The following MAD1L1 variants were observed in gnomAD, a reference collection of about 807,000 sequenced individuals.
The protein encoded by MAD1L1 is mitotic spindle assembly checkpoint protein MAD1.
Under a neutral mutation model 96.9 loss-of-function variants are expected in MAD1L1, and 95 were observed. The observed-to-expected ratio is 0.98, with a 90% CI of 0.83 to 1.16. MAD1L1 has a LOEUF of 1.16. Ranked by LOEUF, MAD1L1 falls within the 50% of genes most tolerant of loss-of-function variation. The pLI is 0.00. For synonymous variants in MAD1L1, 473 were observed against 396.6 expected (o/e 1.19, Z -2.29); for missense variants, 1,007 against 954.4 (o/e 1.06, Z -0.73).
chr7:2,038,688 AT>A (rs1287644682), intron 12 of MAD1L1, among the ~76,000 whole-genome samples: 11 of 151,574 alleles, frequency 7.3e-5, no homozygotes, highest in African/African-American at 2.7e-4. Flanking sequence ...AATTTTTTGT[AT>A]TTTTAGTAGA....
intron 10 of MAD1L1, among the ~76,000 whole-genome samples, chr7:2,186,365 C>G (rs773207098): frequency 1.3e-5 from 2 of 152,146 alleles, no homozygotes; most frequent in Non-Finnish European, 2.9e-5. Flanking sequence ...GGAATAATGG[C>G]TACTAAAGAG....
chr7:2,140,282 ACTCCAGCACCC>A (rs979928249), intron 11 of MAD1L1, among the ~76,000 whole-genome samples: 1 of 152,010 alleles, frequency 6.6e-6, no homozygotes, highest in Non-Finnish European at 1.5e-5. Context: ...TAAAACAGTG[ACTCCAGCACCC>A]CTCCAGCAGC....
chr7:1,985,511 A>C (rs905175364), intron 14 of MAD1L1, among the ~76,000 whole-genome samples: 1 of 152,226 alleles, frequency 6.6e-6, no homozygotes, highest in African/African-American at 2.4e-5. Flanking sequence ...AGGGAGCCTA[A>C]CATGCAGCTC....
chr7:2,045,360 G>A (rs1160330126), intron 12 of MAD1L1, among the ~76,000 whole-genome samples: 2 of 152,136 alleles, frequency 1.3e-5, no homozygotes, highest in Admixed American at 6.5e-5. Flanking sequence ...GTCCCTGTGA[G>A]AGTGACTCCC....
chr7:1,899,912 G>A (rs1787136639), intron 17 of MAD1L1, among the ~76,000 whole-genome samples: 1 of 152,218 alleles, frequency 6.6e-6, no homozygotes, highest in African/African-American at 2.4e-5. Context: ...TGGAGGACGC[G>A]GGAGGGGCCG....
At chr7:2,036,475 G>C (rs1783441351) in intron 12 of MAD1L1, among the ~76,000 whole-genome samples, 1 of 152,234 alleles carries the variant, frequency 6.6e-6, no homozygotes, top group Non-Finnish European at 1.5e-5. Flanking sequence ...TCTGGATGAA[G>C]TGTCTAGTCT....
chr7:2,161,986 C>T (rs573716789), intron 10 of MAD1L1, among the ~76,000 whole-genome samples: 1 of 146,718 alleles, frequency 6.8e-6, no homozygotes, highest in South Asian at 2.2e-4. Context: ...GGGCGGCCCC[C>T]GCCCATCCGG....
At chr7:1,845,753 CG>C (rs763608630) in intron 18 of MAD1L1, 9 of 152,594 alleles carry the variant, frequency 5.9e-5, no homozygotes, top group Non-Finnish European at 1.3e-4. Context: ...TTCCGGCTCA[CG>C]GGGAGGAGCG....
At chr7:2,184,115 G>A (rs1274193256) in intron 10 of MAD1L1, among the ~76,000 whole-genome samples, 1 of 151,942 alleles carries the variant, frequency 6.6e-6, no homozygotes, top group South Asian at 2.1e-4. Context: ...AGCCAGGCGT[G>A]GTGGCGGGCG....
chr7:2,037,315 C>T (rs1460866230), intron 12 of MAD1L1, among the ~76,000 whole-genome samples: 7 of 151,692 alleles, frequency 4.6e-5, no homozygotes, highest in Non-Finnish European at 1.0e-4. Context: ...ACATCTTACA[C>T]GAGCACAGTG....
intron 13 of MAD1L1, among the ~76,000 whole-genome samples, chr7:2,010,757 C>T (rs1035671667): frequency 6.6e-6 from 1 of 152,176 alleles, no homozygotes; most frequent in Non-Finnish European, 1.5e-5. Flanking sequence ...CTCCCGCTGG[C>T]GACTACCCCG....
intron 10 of MAD1L1, among the ~76,000 whole-genome samples, chr7:2,195,622 G>C (rs924310174): frequency 6.6e-6 from 1 of 152,210 alleles, no homozygotes; most frequent in Non-Finnish European, 1.5e-5. Context: ...GTTTGCACCT[G>C]ATAAAAAATT....
In MAD1L1 at chr7:1,904,918, A is replaced by T. The variant is rs748954462; in HGVS notation, c.1808-6528T>A. Among the ~76,000 whole-genome samples, 11 of 92,622 alleles carry T rather than the reference A, an allele frequency of 1.2e-4. 3 individuals carry two copies. The highest frequency in any genetic ancestry group is 2.2e-4 in the Non-Finnish European group (10 of 44,524). 60.8% of individuals were successfully genotyped at this position (92,622 alleles called of 152,430 possible). A position where few individuals can be genotyped will look rare whatever the true frequency, so the allele number is the denominator to read the frequency against. Reference sequence around the variant, plus strand: ...GCAGCAAGGATGCAGTCGCCTATGGAAGACGTTCTTGTGGAACTCATGATT... The same window carrying T: ...GCAGCAAGGATGCAGTCGCCTATGGTAGACGTTCTTGTGGAACTCATGATT... On this transcript the variant is annotated intron_variant, in intron 17 of 18. Coordinates refer to ENST00000265854, the MANE Select transcript of MAD1L1 (RefSeq NM_001013836.2).
intron 10 of MAD1L1, among the ~76,000 whole-genome samples, chr7:2,176,091 T>A (rs1400078723): frequency 6.6e-6 from 1 of 152,250 alleles, no homozygotes. Flanking sequence ...CTCACACCTG[T>A]AATCTCAGCA....
In MAD1L1 at chr7:1,958,090, G is replaced by C. The variant is rs146894662; in HGVS notation, c.1506-371C>G. ...GGTGATGTGATGGCGGAGTGCAGGG[G>C]ACACTGAGGGACAGGAAAGCAACCT... On this transcript the variant is annotated intron_variant, in intron 15 of 18. Transcript: ENST00000265854. Among the ~76,000 whole-genome samples the C allele has an allele frequency of 2.3e-3, 352 of 152,340 alleles. 1 individual carries two copies. The highest frequency in any genetic ancestry group is 8.1e-3 in the African/African-American group (336 of 41,572).
At chr7:2,206,819 T>C (rs1637736) in intron 10 of MAD1L1, among the ~76,000 whole-genome samples, 104,371 of 151,944 alleles carry the variant, frequency 0.69, 36,795 homozygotes, top group African/African-American at 0.82. Flanking sequence ...CAGTGGCTCA[T>C]GCCTGTAATC....
chr7:1,944,756 G>A (rs1479890509), intron 16 of MAD1L1, among the ~76,000 whole-genome samples: 15 of 152,166 alleles, frequency 9.9e-5, no homozygotes, highest in Non-Finnish European at 1.6e-4. Context: ...TGCCAGCTGG[G>A]CCCAGACACC....
intron 18 of MAD1L1, chr7:1,849,070 ACAC>A (rs1352202154): frequency 3.1e-5 from 3 of 96,738 alleles, no homozygotes; most frequent in African/African-American, 1.2e-4. Flanking sequence ...ACACACACAC[ACAC>A]AAATGCACAT....
chr7:1,919,307 C>G (rs1254321371), intron 17 of MAD1L1, among the ~76,000 whole-genome samples: 1 of 152,274 alleles, frequency 6.6e-6, no homozygotes, highest in Non-Finnish European at 1.5e-5. Context: ...TCCAACACGG[C>G]TGCCCCGGCC....
Sources: gnomAD v4.1 joint callset for allele counts (sites outside exome capture counted in the v4.1 genomes callset) on GRCh38, gnomAD v4.1.1 for gene constraint, MANE v1.5 for transcripts, NCBI Gene and HGNC (gene_info 2026-07-23, HGNC 2026-07-21) for gene names.